VANGL1: variants seen among roughly 807,000 people sequenced by gnomAD.
VANGL1 encodes vang-like protein 1.
In VANGL1, 18 loss-of-function variants were observed where a neutral mutation model predicts 48.4. The ratio of observed to expected loss-of-function variants is 0.37; its 90% CI spans 0.26 to 0.55. The LOEUF (loss-of-function observed/expected upper bound fraction) is 0.55, where lower values mean the gene tolerates loss of function less well. Ranked by LOEUF, VANGL1 falls within the 20% of genes least tolerant of loss-of-function variation. The pLI, the probability that VANGL1 is intolerant of heterozygous loss-of-function variation, is 0.81. For missense variants in VANGL1, 667 were observed against 675.8 expected, an observed-to-expected ratio of 0.99 and a Z score of 0.14; for synonymous variants, 257 against 261.8, an observed-to-expected ratio of 0.98 and a Z score of 0.18.
At chr1:115,651,744 T>C (rs1209488950) in intron 2 of VANGL1, among the ~76,000 whole-genome samples, 3 of 152,146 alleles carry the variant, frequency 2.0e-5, no homozygotes, top group Non-Finnish European at 4.4e-5. Flanking sequence ...GGAAATGTTT[T>C]TCATTTCTAG....
intron 6 of VANGL1, 105 bp from the exon 7 acceptor site, chr1:115,685,188 G>T: frequency 8.2e-7 from 1 of 1,213,966 alleles, no homozygotes; most frequent in Non-Finnish European, 1.2e-6. Flanking sequence ...TTGGGCCTTG[G>T]GTATGTTGGC....
At chr1:115,649,766 C>T (rs1208454755) in intron 1 of VANGL1, among the ~76,000 whole-genome samples, 3 of 152,168 alleles carry the variant, frequency 2.0e-5, no homozygotes, top group Non-Finnish European at 2.9e-5. Flanking sequence ...ACTGTGTCTG[C>T]TTATATTTTC....
chr1:115,691,342 A>G lies in VANGL1; in HGVS notation c.1538A>G (p.Lys513Arg), dbSNP rs1410416599. The change falls in exon 8 of 8, where the codon AAA becomes AGA. Residue 513 changes from lysine (K) to arginine (R), a missense_variant. Coordinates refer to ENST00000355485, the MANE Select transcript of VANGL1 (RefSeq NM_138959.3). ...GAGTTCATAGACCCCAAATCTCACA[A>G]ATTTGTCCTTCGCTTACAGTCTGAG... is the stretch of plus-strand genomic sequence containing the variant. Reference protein sequence around the residue: ...SEEFIDPKSHKFVLRLQSETS... With the variant: ...SEEFIDPKSHRFVLRLQSETS... 6.2e-7 allele frequency: 1 copy of G among 1,614,090 alleles called. No individual in the cohort carries two copies. Among genetic ancestry groups the G allele is most frequent in the Non-Finnish European group, 8.5e-7 (1 of 1,180,022 alleles).
chr1:115,675,895 T>C (rs1344770837), intron 4 of VANGL1, among the ~76,000 whole-genome samples: 1 of 152,174 alleles, frequency 6.6e-6, no homozygotes, highest in Non-Finnish European at 1.5e-5. Flanking sequence ...GGGTGAACAC[T>C]AAGATTCCTT....
chr1:115,681,672 A>G (rs1029574935), intron 4 of VANGL1, among the ~76,000 whole-genome samples: 3 of 151,794 alleles, frequency 2.0e-5, no homozygotes, highest in Non-Finnish European at 4.4e-5. Flanking sequence ...ACACCCCGGT[A>G]ATTTTTGTAT....
At chr1:115,660,876 T>G (rs1027202865) in intron 3 of VANGL1, among the ~76,000 whole-genome samples, 1 of 152,188 alleles carries the variant, frequency 6.6e-6, no homozygotes, top group Non-Finnish European at 1.5e-5. Context: ...CAAATGCCTT[T>G]AGTGCTGCCT....
intron 4 of VANGL1, among the ~76,000 whole-genome samples, chr1:115,667,284 G>C (rs1268152395): frequency 6.6e-6 from 1 of 152,142 alleles, no homozygotes; most frequent in Non-Finnish European, 1.5e-5. Context: ...AAGAAAATAG[G>C]CTTCTCATTA....
Position 115,663,961 on chromosome 1 carries a change from G to T in VANGL1, c.505G>T (p.Ala169Ser). ...CCTCATTCTGCTCATAGGGACCTGGGCACTTTTTTTCCGCAAGCGGAGAGC... is the reference window on the plus strand; with the variant it reads ...CCTCATTCTGCTCATAGGGACCTGGTCACTTTTTTTCCGCAAGCGGAGAGC... ...KLLILLIGTWALFFRKRRADM... is the reference protein window; with the variant it reads ...KLLILLIGTWSLFFRKRRADM... The change falls in exon 4 of 8, where the codon GCA becomes TCA. Residue 169 changes from alanine to serine, a missense_variant. Physicochemically the swap from Ala to Ser is moderately conservative, Grantham distance 99. Transcript: ENST00000355485. 2 of 1,614,190 alleles carry T rather than the reference G, an allele frequency of 1.2e-6. No individual in the cohort carries two copies. The highest frequency in any genetic ancestry group is 1.7e-6 in the Non-Finnish European group (2 of 1,180,040).
At chr1:115,654,652 A>G (rs542251847) in intron 2 of VANGL1, among the ~76,000 whole-genome samples, 42 of 152,246 alleles carry the variant, frequency 2.8e-4, no homozygotes, top group African/African-American at 9.9e-4. Context: ...GGGCTCTGCC[A>G]TGTCACCACA....
At chr1:115,665,822 C>G (rs1652758695) in intron 4 of VANGL1, among the ~76,000 whole-genome samples, 2 of 152,210 alleles carry the variant, frequency 1.3e-5, no homozygotes, top group African/African-American at 4.8e-5. Flanking sequence ...GAATGACCAG[C>G]AGTTTTGTGT....
intron 4 of VANGL1, among the ~76,000 whole-genome samples, chr1:115,677,619 TG>T (rs1362416605): frequency 3.9e-5 from 6 of 152,222 alleles, no homozygotes; most frequent in African/African-American, 1.4e-4. Flanking sequence ...CAAATCTATG[TG>T]GTCTGGGAGA....
intron 4 of VANGL1, among the ~76,000 whole-genome samples, chr1:115,672,814 G>A (rs971910523): frequency 1.1e-4 from 17 of 152,160 alleles, no homozygotes; most frequent in African/African-American, 3.9e-4. Flanking sequence ...AGGCGGTGGC[G>A]TTCAGCGTCC....
chr1:115,689,759 C>T lies in VANGL1; in HGVS notation c.1315-1360C>T, dbSNP rs1653764635. Among the ~76,000 whole-genome samples, 2 of 138,314 alleles carry T rather than the reference C, an allele frequency of 1.4e-5. 1 individual carries two copies. The highest frequency in any genetic ancestry group is 3.2e-5 in the Non-Finnish European group (2 of 63,296). 90.7% of individuals were successfully genotyped at this position (138,314 alleles called of 152,430 possible). On this transcript the variant is annotated intron_variant, in intron 7 of 7. Transcript: ENST00000355485. Reference sequence around the variant, plus strand: ...TCACTAATGGCCAGGAGTTCAAGACCAGCCTGGCCAACATGGTGAAACCCC... The same window carrying T: ...TCACTAATGGCCAGGAGTTCAAGACTAGCCTGGCCAACATGGTGAAACCCC...
chr1:115,646,726 G>A (rs192446580), intron 1 of VANGL1, among the ~76,000 whole-genome samples: 179 of 152,226 alleles, frequency 1.2e-3, no homozygotes, highest in African/African-American at 4.0e-3. Context: ...TCATGAAAGT[G>A]CCTCTGCCCT....
chr1:115,691,234 A>T lies in VANGL1; in HGVS notation c.1430A>T (p.Asp477Val). ...GAGGCTGTGACTAATGGATTACGGG[A>T]TGGAATTGTGTTCGTCCTTAAGTGC... ...SDEAVTNGLR[D>V]GIVFVLKCLD... is the part of the protein sequence containing the mutation. The change falls in exon 8 of 8, where the codon GAT (aspartate) becomes GTT (valine). Residue 477 changes from aspartate (D) to valine (V), a missense_variant. Transcript: ENST00000355485. 1.9e-6 allele frequency: 3 copies of T among 1,614,110 alleles called. No individual in the cohort carries two copies. Among genetic ancestry groups the T allele is most frequent in the Non-Finnish European group, 2.5e-6 (3 of 1,180,040 alleles).
chr1:115,658,388 A>G (rs1461449985), intron 2 of VANGL1, among the ~76,000 whole-genome samples: 1 of 152,210 alleles, frequency 6.6e-6, no homozygotes, highest in Non-Finnish European at 1.5e-5. Flanking sequence ...ACACTGGCTA[A>G]TAGTAATAGC....
Position 115,663,784 on chromosome 1 carries a change from T to C in VANGL1, c.328T>C (p.Tyr110His). The C allele has an allele frequency of 6.2e-7, 1 of 1,614,200 alleles. No homozygotes were observed. The highest frequency in any genetic ancestry group is 8.5e-7 in the Non-Finnish European group (1 of 1,180,032). The change falls in exon 4 of 8, where the codon TAC (tyrosine) becomes CAC (histidine). Residue 110 changes from tyrosine (Y) to histidine (H), a missense_variant. Transcript: ENST00000355485. ...EDSVGLDCKRYLGLTVASFLG... is the reference protein window; with the variant it reads ...EDSVGLDCKRHLGLTVASFLG... Reference sequence around the variant, plus strand: ...CAGCGTGGGGCTGGATTGCAAACGCTACCTGGGCCTCACCGTCGCCTCTTT... The same window carrying C: ...CAGCGTGGGGCTGGATTGCAAACGCCACCTGGGCCTCACCGTCGCCTCTTT...
intron 7 of VANGL1, among the ~76,000 whole-genome samples, chr1:115,688,033 G>GATATATAC (rs1653701207): frequency 7.7e-6 from 1 of 130,068 alleles, no homozygotes; most frequent in Non-Finnish European, 1.7e-5. Flanking sequence ...TATATACATA[G>GATATATAC]ATAGATAGAT....
rs540959231 is a variant in VANGL1 at position 115,651,574 on chromosome 1, G to A, written c.71+90G>A. 8.9e-5 allele frequency: 103 copies of A among 1,153,090 alleles called. 1 individual carries two copies. The highest frequency in any genetic ancestry group is 7.9e-4 in the African/African-American group (52 of 65,676). The allele number at this position is 1,153,090 out of a possible 1,614,324, so 71.4% of individuals were successfully genotyped here. A position where few individuals can be genotyped will look rare whatever the true frequency, so the allele number is the denominator to read the frequency against. Reference sequence around the variant, plus strand: ...TACACTCACTTTTCAGTGACTCAGCGCTGGACATTTGGTCGGTTGGTGCAT... The same window carrying A: ...TACACTCACTTTTCAGTGACTCAGCACTGGACATTTGGTCGGTTGGTGCAT... On this transcript the variant is annotated intron_variant, in intron 2 of 7. Transcript: ENST00000355485.
Sources: allele counts gnomAD v4.1 joint callset (sites outside exome capture counted in the v4.1 genomes callset), GRCh38; gene constraint gnomAD v4.1.1; transcripts MANE v1.5; gene names NCBI Gene and HGNC (gene_info 2026-07-23, HGNC 2026-07-21).